The following ALCAM variants were observed in gnomAD, a reference collection of about 807,000 sequenced individuals.
ALCAM encodes activated leukocyte cell adhesion molecule.
ALCAM carries 30 observed loss-of-function variants against 70.9 expected under a neutral mutation model. That is an observed-to-expected ratio of 0.42 (90% CI 0.32 to 0.57). The LOEUF (loss-of-function observed/expected upper bound fraction) is 0.57, where lower values mean the gene tolerates loss of function less well. Among genes scored for constraint, ALCAM ranks in the 20% least tolerant of loss-of-function variants. The pLI, the probability that ALCAM is intolerant of heterozygous loss-of-function variation, is 0.11. For synonymous variants in ALCAM, 249 were observed against 242.5 expected (o/e 1.03, Z -0.25); for missense variants, 591 against 695.1 (o/e 0.85, Z 1.68).
At chr3:105,469,222 T>G (rs149272223) in intron 1 of ALCAM, among the ~76,000 whole-genome samples, 2 of 151,460 alleles carry the variant, frequency 1.3e-5, no homozygotes, top group East Asian at 3.9e-4. Context: ...ATTCAATACT[T>G]TGTGACCACT....
intron 4 of ALCAM, 117 bp downstream of exon 4, chr3:105,532,183 C>G: frequency 1.2e-6 from 1 of 842,254 alleles, no homozygotes; most frequent in African/African-American, 1.7e-5. Context: ...GACAGTGTTG[C>G]AGCTACCAAT....
intron 1 of ALCAM, among the ~76,000 whole-genome samples, chr3:105,420,319 G>C (rs894865213): frequency 1.3e-5 from 2 of 151,404 alleles, no homozygotes; most frequent in African/African-American, 4.8e-5. Flanking sequence ...ATGAAATAAA[G>C]AACATTACTT....
intron 1 of ALCAM, among the ~76,000 whole-genome samples, chr3:105,436,711 T>C (rs1457829622): frequency 6.6e-6 from 1 of 152,152 alleles, no homozygotes; most frequent in Non-Finnish European, 1.5e-5. Flanking sequence ...ATCAATCTTA[T>C]GATTCAATAA....
intron 3 of ALCAM, among the ~76,000 whole-genome samples, chr3:105,527,295 GC>G (rs1438172828): frequency 6.6e-6 from 1 of 152,136 alleles, no homozygotes; most frequent in East Asian, 1.9e-4. Context: ...TACCCAGAGA[GC>G]CAGAAGGCTG....
At chr3:105,573,008 A>G (rs1206745793) in intron 15 of ALCAM, among the ~76,000 whole-genome samples, 2 of 152,230 alleles carry the variant, frequency 1.3e-5, no homozygotes, top group South Asian at 2.1e-4. Flanking sequence ...ATAAATGATT[A>G]TGAAAATAAT....
At chr3:105,533,876 T>A (rs1939906311) in intron 5 of ALCAM, among the ~76,000 whole-genome samples, 186 bp downstream of exon 5, 1 of 152,086 alleles carries the variant, frequency 6.6e-6, no homozygotes, top group Admixed American at 6.6e-5. Context: ...GGCATTAGGT[T>A]TATTGTGTAC....
chr3:105,377,126 A>G (rs977617441), intron 1 of ALCAM, among the ~76,000 whole-genome samples: 2 of 152,152 alleles, frequency 1.3e-5, no homozygotes, highest in African/African-American at 4.8e-5. Context: ...TTCATTTAAC[A>G]GTACATTTTG....
chr3:105,418,670 A>G (rs942466512), intron 1 of ALCAM, among the ~76,000 whole-genome samples: 1 of 151,772 alleles, frequency 6.6e-6, no homozygotes, highest in African/African-American at 2.4e-5. Context: ...TTCCCTCAGA[A>G]ATTGGGGTAG....
At chr3:105,487,411 T>C (rs1938460876) in intron 1 of ALCAM, among the ~76,000 whole-genome samples, 1 of 152,172 alleles carries the variant, frequency 6.6e-6, no homozygotes, top group South Asian at 2.1e-4. Context: ...AGGCCAAGAC[T>C]AAAATCAAAT....
At chr3:105,488,794 A>G (rs1479616265) in intron 1 of ALCAM, among the ~76,000 whole-genome samples, 1 of 152,006 alleles carries the variant, frequency 6.6e-6, no homozygotes, top group Non-Finnish European at 1.5e-5. Flanking sequence ...TGTGATTAAG[A>G]TAGAGTACAG....
At chr3:105,465,718 A>T (rs1246467590) in intron 1 of ALCAM, among the ~76,000 whole-genome samples, 1 of 151,436 alleles carries the variant, frequency 6.6e-6, no homozygotes, top group African/African-American at 2.4e-5. Flanking sequence ...TTAAGTTTCT[A>T]CACCTACTGG....
In ALCAM at chr3:105,547,568, G is replaced by A. The variant is rs191452758; in HGVS notation, c.1374+45G>A. 11,203 of 1,586,310 alleles carry A rather than the reference G, an allele frequency of 7.1e-3. 77 individuals carry two copies. The highest frequency in any genetic ancestry group is 0.02 in the African/African-American group (1,461 of 73,284). ...TTATATGCTGCACTTCGTCCAATGC[G>A]TTTTTTTTCCTTCACGAACCTACCC... On this transcript the variant is annotated intron_variant, in intron 11 of 15. Coordinates refer to ENST00000306107, the MANE Select transcript of ALCAM (RefSeq NM_001627.4).
At chr3:105,510,021 G>A (rs888254821) in intron 1 of ALCAM, among the ~76,000 whole-genome samples, 6 of 151,884 alleles carry the variant, frequency 4.0e-5, no homozygotes, top group African/African-American at 1.5e-4. Flanking sequence ...GGGTCAATAC[G>A]GTTATGATCT....
At chr3:105,526,532 A>C (rs1429591619) in intron 3 of ALCAM, among the ~76,000 whole-genome samples, 1 of 152,158 alleles carries the variant, frequency 6.6e-6, no homozygotes. Flanking sequence ...TGATTCTCAG[A>C]AACAGAATTT....
At chr3:105,550,023 C>A in intron 11 of ALCAM, 104 bp from the exon 12 acceptor site, 1 of 1,040,202 alleles carries the variant, frequency 9.6e-7, no homozygotes. Context: ...CACCAGAATG[C>A]TCTATAGAGC....
At chr3:105,386,861 A>G (rs898177165) in intron 1 of ALCAM, among the ~76,000 whole-genome samples, 1 of 151,468 alleles carries the variant, frequency 6.6e-6, no homozygotes, top group Non-Finnish European at 1.5e-5. Flanking sequence ...TATATTCCCC[A>G]ATGTTTGGAA....
rs978414236 is a variant in ALCAM at position 105,486,666 on chromosome 3, C to T, written c.74-33401C>T. On this transcript the variant is annotated intron_variant, in intron 1 of 15. Coordinates refer to ENST00000306107, the MANE Select transcript of ALCAM (RefSeq NM_001627.4). ...ACTGGTTTTTTACTATGTAATTTAC[C>T]ACAGAACAGAATACATATACAGACA... is the stretch of plus-strand genomic sequence containing the variant. Among the ~76,000 whole-genome samples, 4 of 151,922 alleles carry T rather than the reference C, an allele frequency of 2.6e-5. No homozygotes were observed. The East Asian group carries it at 7.7e-4, about 29-fold the overall frequency.
chr3:105,376,119 G>C (rs1328726829), intron 1 of ALCAM, among the ~76,000 whole-genome samples: 1 of 151,778 alleles, frequency 6.6e-6, no homozygotes, highest in African/African-American at 2.4e-5. Context: ...GAAAGACAGA[G>C]ACAGAGAGAG....
At chr3:105,414,232 A>G (rs901566210) in intron 1 of ALCAM, among the ~76,000 whole-genome samples, 2 of 122,908 alleles carry the variant, frequency 1.6e-5, no homozygotes, top group African/African-American at 6.2e-5. Context: ...GAATGATGAA[A>G]TTCCATCTTA....
Sources: gnomAD v4.1 joint callset for allele counts (sites outside exome capture counted in the v4.1 genomes callset) on GRCh38, gnomAD v4.1.1 for gene constraint, MANE v1.5 for transcripts, NCBI Gene and HGNC (gene_info 2026-07-23, HGNC 2026-07-21) for gene names.